The following HSD17B11 variants were observed in gnomAD, a reference collection of about 807,000 sequenced individuals.
HSD17B11 encodes the protein estradiol 17-beta-dehydrogenase 11.
A neutral mutation model predicts 27.8 loss-of-function variants in HSD17B11; 22 were observed. The observed-to-expected ratio is 0.79, with a 90% confidence interval of 0.56 to 1.13. HSD17B11 has a LOEUF of 1.13. Ranked by LOEUF, HSD17B11 falls within the 50% of genes most tolerant of loss-of-function variation. The pLI is 0.00. For synonymous variants in HSD17B11, 117 were observed against 132.8 expected (o/e 0.88, Z 0.82); for missense variants, 314 against 351.1 (o/e 0.89, Z 0.84).
intron 5 of HSD17B11, among the ~76,000 whole-genome samples, chr4:87,341,164 G>GT (rs961260971): frequency 7.3e-5 from 11 of 151,290 alleles, no homozygotes; most frequent in Admixed American, 6.6e-5. Flanking sequence ...GGTTGTTGTT[G>GT]TTTTTTTTGG....
intron 6 of HSD17B11, among the ~76,000 whole-genome samples, chr4:87,339,582 C>A (rs1008467830): frequency 6.6e-6 from 1 of 152,192 alleles, no homozygotes; most frequent in African/African-American, 2.4e-5. Flanking sequence ...GAGGCTTTTT[C>A]TCCCAGCTGT....
chr4:87,387,581 A>G (rs951390818), intron 1 of HSD17B11, among the ~76,000 whole-genome samples: 15 of 152,200 alleles, frequency 9.9e-5, no homozygotes, highest in Non-Finnish European at 4.4e-5. Flanking sequence ...TCAGCCTTCT[A>G]TAATTTCAAA....
chr4:87,357,915 A>G (rs1302603807), intron 4 of HSD17B11, among the ~76,000 whole-genome samples: 2 of 134,832 alleles, frequency 1.5e-5, no homozygotes, highest in Non-Finnish European at 3.2e-5. Flanking sequence ...GATAGTATCT[A>G]TCTCAGATTT....
intron 4 of HSD17B11, among the ~76,000 whole-genome samples, chr4:87,369,976 T>G (rs1255942368): frequency 1.3e-5 from 2 of 152,226 alleles, no homozygotes; most frequent in Non-Finnish European, 2.9e-5. Flanking sequence ...ATAAATCCAG[T>G]TCTTTTATCT....
At chr4:87,388,971 T>C (rs1004339115) in intron 1 of HSD17B11, among the ~76,000 whole-genome samples, 30 of 152,372 alleles carry the variant, frequency 2.0e-4, no homozygotes, top group African/African-American at 6.0e-4. Flanking sequence ...CACACTGTGC[T>C]AAATGCTTTG....
At chr4:87,383,057 A>G (rs1720216155) in intron 1 of HSD17B11, among the ~76,000 whole-genome samples, 2 of 152,318 alleles carry the variant, frequency 1.3e-5, no homozygotes, top group Non-Finnish European at 2.9e-5. Flanking sequence ...GGGGCACACA[A>G]TACAATTCCA....
chr4:87,338,629 G>C (rs1240550358), intron 6 of HSD17B11, among the ~76,000 whole-genome samples: 2 of 152,112 alleles, frequency 1.3e-5, no homozygotes, highest in Non-Finnish European at 2.9e-5. Flanking sequence ...TCAACTTTCT[G>C]AGCTCAAGCA....
rs137978767 is a variant in HSD17B11 at position 87,390,375 on chromosome 4, C to T, written c.210+486G>A. Among the ~76,000 whole-genome samples, 336 of 152,246 alleles carry T rather than the reference C, an allele frequency of 2.2e-3. 4 individuals carry two copies. Among genetic ancestry groups the T allele is most frequent in the African/African-American group, 7.5e-3 (313 of 41,550 alleles). On this transcript the variant is annotated intron_variant, in intron 1 of 6. Transcript: ENST00000358290. ...CGGGGTTTCAGTGTGTTAGGATGGT[C>T]TCGATCTCCTGACCTCGCGATCCGC...
At position 87,380,863 on chromosome 4, in the gene HSD17B11, C is replaced by CAAAAAAAAAAAAAAAAA. The variant is rs561938045; in HGVS notation, c.318+1375_318+1391dup. 1.5e-4 allele frequency among the ~76,000 whole-genome samples: 11 copies of CAAAAAAAAAAAAAAAAA among 74,702 alleles called. 1 individual carries two copies. The highest frequency in any genetic ancestry group is 5.6e-4 in the South Asian group (1 of 1,798). The allele number at this position is 74,702 out of a possible 152,430, so 49.0% of individuals were successfully genotyped here. A position where few individuals can be genotyped will look rare whatever the true frequency, so the allele number is the denominator to read the frequency against. On this transcript the variant is annotated intron_variant, in intron 2 of 6. Transcript: ENST00000358290. ...ACAAAGCTAGAGCTAGACTCTATCT[C>CAAAAAAAAAAAAAAAAA]AAAAAAAAAAAAAAAAAAAAAAAAA...
At chr4:87,389,688 C>G (rs1230855106) in intron 1 of HSD17B11, among the ~76,000 whole-genome samples, 5 of 152,208 alleles carry the variant, frequency 3.3e-5, no homozygotes, top group Non-Finnish European at 7.3e-5. Context: ...TTTAACTTCA[C>G]ATCCTTTGAA....
At chr4:87,376,936 C>T (rs1399584508) in intron 2 of HSD17B11, among the ~76,000 whole-genome samples, 1 of 151,516 alleles carries the variant, frequency 6.6e-6, no homozygotes, top group Admixed American at 6.6e-5. Flanking sequence ...TCAAGACCAG[C>T]CTGATTGACA....
chr4:87,353,733 G>GC (rs2110115668), intron 5 of HSD17B11, among the ~76,000 whole-genome samples: 2 of 152,192 alleles, frequency 1.3e-5, no homozygotes, highest in South Asian at 4.1e-4. Context: ...GGCCTTGTAG[G>GC]GGGGGCAAGG....
chr4:87,381,736 G>A (rs1249638994), intron 2 of HSD17B11, among the ~76,000 whole-genome samples: 2 of 145,478 alleles, frequency 1.4e-5, no homozygotes, highest in African/African-American at 2.6e-5. Context: ...TCCAACCTGG[G>A]TAACAGAGTG....
At chr4:87,360,380 T>C (rs1735483927) in intron 4 of HSD17B11, among the ~76,000 whole-genome samples, 1 of 152,212 alleles carries the variant, frequency 6.6e-6, no homozygotes, top group South Asian at 2.1e-4. Flanking sequence ...TATCCCAAGG[T>C]AATAATCAAT....
intron 2 of HSD17B11, among the ~76,000 whole-genome samples, chr4:87,379,256 C>T (rs1560769873): frequency 1.3e-5 from 2 of 150,260 alleles, no homozygotes; most frequent in Admixed American, 1.3e-4. Context: ...ACCTCGGCCT[C>T]CCAAAGTGCT....
intron 4 of HSD17B11, among the ~76,000 whole-genome samples, chr4:87,367,462 C>A (rs1200291705): frequency 1.3e-5 from 2 of 152,148 alleles, no homozygotes; most frequent in Non-Finnish European, 2.9e-5. Context: ...TTAAAAAAGT[C>A]TTACCTGAGA....
intron 5 of HSD17B11, among the ~76,000 whole-genome samples, chr4:87,344,761 C>T (rs556242993): frequency 4.3e-4 from 66 of 152,292 alleles, no homozygotes; most frequent in African/African-American, 1.3e-3. Flanking sequence ...CAAAGCAAAT[C>T]TCAATATGTT....
intron 4 of HSD17B11, among the ~76,000 whole-genome samples, chr4:87,371,922 A>G (rs558793386): frequency 3.3e-5 from 5 of 152,252 alleles, no homozygotes; most frequent in Admixed American, 2.6e-4. Context: ...ATGTTAGCCC[A>G]AATGGCACCC....
intron 5 of HSD17B11, 115 bp downstream of exon 5, chr4:87,357,164 G>T: frequency 2.7e-6 from 3 of 1,109,076 alleles, no homozygotes; most frequent in East Asian, 2.9e-5. Context: ...AAATCAAAAT[G>T]AACTAAGAGC....
Sources: gnomAD v4.1 joint callset for allele counts (sites outside exome capture counted in the v4.1 genomes callset) on GRCh38, gnomAD v4.1.1 for gene constraint, MANE v1.5 for transcripts, NCBI Gene and HGNC (gene_info 2026-07-23, HGNC 2026-07-21) for gene names.